The following RNGTT variants were observed in gnomAD, a reference collection of about 807,000 sequenced individuals.
RNGTT encodes mRNA-capping enzyme.
In RNGTT, 33 loss-of-function variants were observed where a neutral mutation model predicts 79.3. The observed-to-expected ratio is 0.42, with a 90% CI of 0.32 to 0.56. The LOEUF (loss-of-function observed/expected upper bound fraction) is 0.56, where lower values mean the gene tolerates loss of function less well. RNGTT is among the 20% of genes least tolerant of loss of function. RNGTT has a pLI of 0.17. For missense variants in RNGTT, 497 were observed against 739.1 expected (o/e 0.67, Z 3.80); for synonymous variants, 222 against 235.9 (o/e 0.94, Z 0.54).
intron 11 of RNGTT, among the ~76,000 whole-genome samples, chr6:88,805,984 G>C (rs1224524421): frequency 6.6e-6 from 1 of 152,056 alleles, no homozygotes; most frequent in East Asian, 1.9e-4. Flanking sequence ...GCAACACATA[G>C]AACAGGCTGA....
intron 13 of RNGTT, among the ~76,000 whole-genome samples, chr6:88,755,870 G>A (rs1777994605): frequency 7.0e-6 from 1 of 142,480 alleles, no homozygotes; most frequent in African/African-American, 2.6e-5. Flanking sequence ...CTGAGGCAGA[G>A]AACTGCTTGA....
At chr6:88,657,686 C>A (rs1334509093) in intron 14 of RNGTT, among the ~76,000 whole-genome samples, 1 of 152,044 alleles carries the variant, frequency 6.6e-6, no homozygotes, top group Non-Finnish European at 1.5e-5. Flanking sequence ...GTTCTGCTTC[C>A]CGCTCCATGA....
intron 4 of RNGTT, among the ~76,000 whole-genome samples, chr6:88,919,217 C>G (rs1160205881): frequency 6.6e-6 from 1 of 152,322 alleles, no homozygotes; most frequent in African/African-American, 2.4e-5. Flanking sequence ...TTTTCTTCAT[C>G]ATGAGAATGG....
At chr6:88,916,326 C>T (rs560848238) in intron 4 of RNGTT, among the ~76,000 whole-genome samples, 5 of 152,036 alleles carry the variant, frequency 3.3e-5, no homozygotes, top group Admixed American at 2.0e-4. Flanking sequence ...TACAAAAATT[C>T]GCCATGCATG....
chr6:88,925,565 C>A (rs1784292793), intron 4 of RNGTT, among the ~76,000 whole-genome samples: 1 of 151,000 alleles, frequency 6.6e-6, no homozygotes, highest in South Asian at 2.1e-4. Context: ...TGCACTCTAG[C>A]CTGGGCAATA....
At chr6:88,789,864 C>T (rs528804895) in intron 12 of RNGTT, among the ~76,000 whole-genome samples, 5 of 152,354 alleles carry the variant, frequency 3.3e-5, no homozygotes, top group African/African-American at 9.6e-5. Flanking sequence ...TATATACACT[C>T]ACCCTTTCAC....
At chr6:88,937,180 C>T (rs1784691958) in intron 2 of RNGTT, among the ~76,000 whole-genome samples, 1 of 151,984 alleles carries the variant, frequency 6.6e-6, no homozygotes, top group African/African-American at 2.4e-5. Flanking sequence ...CCCATCTCAA[C>T]TAAAAAATAC....
intron 14 of RNGTT, among the ~76,000 whole-genome samples, chr6:88,671,339 T>C (rs369416421): frequency 2.6e-4 from 39 of 152,132 alleles, no homozygotes; most frequent in African/African-American, 9.2e-4. Flanking sequence ...AATAAAGAAG[T>C]CAACCCTTTT....
At chr6:88,792,308 T>C (rs1311229321) in intron 12 of RNGTT, among the ~76,000 whole-genome samples, 1 of 152,168 alleles carries the variant, frequency 6.6e-6, no homozygotes, top group Admixed American at 6.5e-5. Flanking sequence ...CTCTTCTTAC[T>C]TCCTCCTTAC....
chr6:88,701,139 A>AAAG (rs900248185), intron 13 of RNGTT, among the ~76,000 whole-genome samples: 10 of 152,046 alleles, frequency 6.6e-5, no homozygotes, highest in South Asian at 6.2e-4. Context: ...AAGAAAGAAT[A>AAAG]AAGAAGAAGA....
intron 12 of RNGTT, among the ~76,000 whole-genome samples, chr6:88,787,488 G>A (rs900996628): frequency 3.3e-5 from 5 of 151,966 alleles, no homozygotes; most frequent in Admixed American, 1.3e-4. Flanking sequence ...GTGAAACCCC[G>A]TCTCTACTAA....
At chr6:88,918,830 A>G (rs1235086264) in intron 4 of RNGTT, among the ~76,000 whole-genome samples, 1 of 152,186 alleles carries the variant, frequency 6.6e-6, no homozygotes, top group Non-Finnish European at 1.5e-5. Flanking sequence ...CAAGCAACAA[A>G]TATTTCAACT....
intron 13 of RNGTT, among the ~76,000 whole-genome samples, chr6:88,725,001 C>T (rs1200067538): frequency 6.6e-6 from 1 of 152,214 alleles, no homozygotes; most frequent in African/African-American, 2.4e-5. Context: ...GTGCGCTCAC[C>T]ATTGCTCCAT....
chr6:88,667,320 A>G (rs1774453186), intron 14 of RNGTT, among the ~76,000 whole-genome samples: 1 of 152,234 alleles, frequency 6.6e-6, no homozygotes, highest in Non-Finnish European at 1.5e-5. Context: ...CTGGCTGTGC[A>G]TGAGACCACC....
chr6:88,891,949 A>G (rs1468952823), intron 6 of RNGTT, 34 bp from the exon 7 acceptor site: 1 of 1,377,444 alleles, frequency 7.3e-7, no homozygotes, highest in Non-Finnish European at 9.9e-7. Context: ...TAAGGGAAAG[A>G]AAAATATTTT....
At chr6:88,867,369 G>A (rs1437115142) in intron 8 of RNGTT, among the ~76,000 whole-genome samples, 2 of 152,006 alleles carry the variant, frequency 1.3e-5, no homozygotes, top group African/African-American at 4.8e-5. Flanking sequence ...TGTAGTCTCA[G>A]CTACTCAAGA....
At chr6:88,822,624 T>C (rs961609481) in intron 11 of RNGTT, among the ~76,000 whole-genome samples, 1 of 152,196 alleles carries the variant, frequency 6.6e-6, no homozygotes, top group Non-Finnish European at 1.5e-5. Flanking sequence ...TCATTCTCCA[T>C]CTACTGTCAA....
At chr6:88,831,770 T>C (rs538461943) in intron 11 of RNGTT, among the ~76,000 whole-genome samples, 1 of 152,244 alleles carries the variant, frequency 6.6e-6, no homozygotes, top group East Asian at 1.9e-4. Context: ...TGCACAAAAA[T>C]CACAAGCATT....
intron 12 of RNGTT, among the ~76,000 whole-genome samples, chr6:88,773,645 C>T (rs1778776138): frequency 1.3e-5 from 2 of 151,894 alleles, no homozygotes; most frequent in South Asian, 4.1e-4. Context: ...ATTAAGAGTA[C>T]ATAAATAAAG....
Sources: gnomAD v4.1 joint callset for allele counts (sites outside exome capture counted in the v4.1 genomes callset) on GRCh38, gnomAD v4.1.1 for gene constraint, MANE v1.5 for transcripts, NCBI Gene and HGNC (gene_info 2026-07-23, HGNC 2026-07-21) for gene names.